Variants in STXBP5L observed in about 807,000 individuals in gnomAD.
The protein encoded by STXBP5L is syntaxin-binding protein 5-like.
In STXBP5L, 65 loss-of-function variants were observed where a neutral mutation model predicts 144.5. The observed-to-expected ratio is 0.45, with a 90% CI of 0.37 to 0.55. The LOEUF (loss-of-function observed/expected upper bound fraction) is 0.55, where lower values mean the gene tolerates loss of function less well. Ranked by LOEUF, STXBP5L falls within the 20% of genes least tolerant of loss-of-function variation. STXBP5L has a pLI of 0.00. For synonymous variants in STXBP5L, 505 were observed against 469.6 expected (o/e 1.08, Z -0.97); for missense variants, 1,298 against 1,405.5 (o/e 0.92, Z 1.22).
chr3:121,367,990 C>T (rs781665724), intron 20 of STXBP5L, among the ~76,000 whole-genome samples: 5 of 151,816 alleles, frequency 3.3e-5, no homozygotes, highest in Non-Finnish European at 7.4e-5. Flanking sequence ...ATTCATTGAG[C>T]TTCTTGGTTG....
intron 9 of STXBP5L, among the ~76,000 whole-genome samples, chr3:121,179,909 T>C (rs529576733): frequency 6.6e-6 from 1 of 152,176 alleles, no homozygotes; most frequent in East Asian, 1.9e-4. Context: ...TTTTAAAAGA[T>C]GAACCAAGTC....
intron 5 of STXBP5L, among the ~76,000 whole-genome samples, chr3:121,064,922 T>C (rs1388017850): frequency 6.6e-6 from 1 of 152,200 alleles, no homozygotes; most frequent in Admixed American, 6.5e-5. Flanking sequence ...AAGTTCATAG[T>C]GTCCATTCTT....
chr3:120,978,559 T>G (rs1411918920), intron 3 of STXBP5L, among the ~76,000 whole-genome samples: 1 of 152,256 alleles, frequency 6.6e-6, no homozygotes, highest in Non-Finnish European at 1.5e-5. Context: ...AAAGTCATTC[T>G]CCATCCAGGT....
intron 13 of STXBP5L, 24 bp downstream of exon 13, chr3:121,239,142 C>A: frequency 1.4e-6 from 2 of 1,391,610 alleles, no homozygotes; most frequent in African/African-American, 1.5e-5. Context: ...TTATAAATAA[C>A]TTTTTTTGTA....
intron 7 of STXBP5L, among the ~76,000 whole-genome samples, chr3:121,142,771 C>A (rs1429548603): frequency 6.6e-6 from 1 of 151,664 alleles, no homozygotes; most frequent in Non-Finnish European, 1.5e-5. Flanking sequence ...GAAGTTCTAG[C>A]AATAAATGCT....
At chr3:121,413,415 C>A (rs2047164020) in intron 24 of STXBP5L, 92 bp downstream of exon 24, 2 of 1,163,536 alleles carry the variant, frequency 1.7e-6, no homozygotes, top group Non-Finnish European at 1.2e-6. Flanking sequence ...TTAGGTCAGA[C>A]AATAATTATG....
intron 3 of STXBP5L, among the ~76,000 whole-genome samples, chr3:120,981,310 A>G (rs1406632807): frequency 5.3e-5 from 8 of 152,126 alleles, no homozygotes; most frequent in Admixed American, 3.9e-4. Flanking sequence ...TACTTTTTAC[A>G]TCTTCTTCTG....
intron 9 of STXBP5L, among the ~76,000 whole-genome samples, chr3:121,174,270 G>A (rs1028763659): frequency 6.6e-6 from 1 of 151,996 alleles, no homozygotes; most frequent in Non-Finnish European, 1.5e-5. Flanking sequence ...TAACTTCTAT[G>A]ATAGATTTGT....
At chr3:121,302,765 A>G (rs1431737970) in intron 19 of STXBP5L, among the ~76,000 whole-genome samples, 3 of 152,214 alleles carry the variant, frequency 2.0e-5, no homozygotes, top group Admixed American at 6.5e-5. Flanking sequence ...AACCTGACAA[A>G]AATAAGAAAT....
At chr3:121,029,260 C>A (rs767944619) in intron 3 of STXBP5L, among the ~76,000 whole-genome samples, 8 of 152,104 alleles carry the variant, frequency 5.3e-5, no homozygotes, top group Admixed American at 5.2e-4. Flanking sequence ...GGAGGCATCA[C>A]GCTATGTGAC....
At chr3:121,149,833 G>T (rs2045866663) in intron 7 of STXBP5L, among the ~76,000 whole-genome samples, 1 of 151,916 alleles carries the variant, frequency 6.6e-6, no homozygotes, top group Admixed American at 6.6e-5. Context: ...CTTGAATAAG[G>T]TGGCTCATTA....
Position 121,421,725 on chromosome 3 carries a change from CAG to C in STXBP5L, c.*2632_*2633del, listed in dbSNP as rs2047356745. On this transcript the variant is annotated 3_prime_UTR_variant, in exon 27 of 27. Transcript: ENST00000471454. ...CAACTACAGAATATTTTAAGGCACACAGAGAAAATATCAAAAAGGACATTATA... is the reference window on the plus strand; with the variant it reads ...CAACTACAGAATATTTTAAGGCACACAGAAAATATCAAAAAGGACATTATA... The C allele has an allele frequency of 6.6e-6, 1 of 152,068 alleles. No individual in the cohort carries two copies. Among genetic ancestry groups the C allele is most frequent in the Non-Finnish European group, 1.5e-5 (1 of 67,998 alleles). The allele number at this position is 152,068 out of a possible 1,614,324, so 9.4% of individuals were successfully genotyped here.
At chr3:121,250,540 A>G (rs1165706750) in intron 14 of STXBP5L, among the ~76,000 whole-genome samples, 183 bp from the exon 15 acceptor site, 1 of 152,056 alleles carries the variant, frequency 6.6e-6, no homozygotes, top group African/African-American at 2.4e-5. Context: ...AGATTTTAGT[A>G]TATTGTTTAA....
intron 20 of STXBP5L, among the ~76,000 whole-genome samples, chr3:121,370,258 C>T (rs1018652272): frequency 1.3e-5 from 2 of 152,118 alleles, no homozygotes; most frequent in Non-Finnish European, 2.9e-5. Flanking sequence ...ATCCCAGCTA[C>T]TTGGGAGGCT....
At chr3:121,348,633 A>G (rs4524223) in intron 20 of STXBP5L, among the ~76,000 whole-genome samples, 116,120 of 151,820 alleles carry the variant, frequency 0.76, 44,566 homozygotes, top group East Asian at 0.93. Flanking sequence ...CTCAATTTCA[A>G]AGCCTGTTAT....
At chr3:121,414,059 A>ATTCATATAAG (rs2047180498) in intron 24 of STXBP5L, among the ~76,000 whole-genome samples, 1 of 151,938 alleles carries the variant, frequency 6.6e-6, no homozygotes, top group African/African-American at 2.4e-5. Context: ...ATTCATATAA[A>ATTCATATAAG]AGACTGAGCT....
chr3:121,073,859 C>G (rs1482619086), intron 5 of STXBP5L, among the ~76,000 whole-genome samples: 2 of 152,232 alleles, frequency 1.3e-5, no homozygotes, highest in Non-Finnish European at 2.9e-5. Context: ...CACATGTTCT[C>G]TTTTCACTCA....
intron 18 of STXBP5L, among the ~76,000 whole-genome samples, chr3:121,264,642 T>C (rs1217154014): frequency 6.6e-6 from 1 of 152,086 alleles, no homozygotes; most frequent in Non-Finnish European, 1.5e-5. Flanking sequence ...ACCTTAAATG[T>C]AAATGGGCTA....
In STXBP5L at chr3:120,923,344, T is replaced by G. The variant is rs191519334; in HGVS notation, c.189+13577T>G. ...TTTTTATTCTCAACTTTATTATTTCTTCTCTGATCTTTATTATTTCTTTTT... is the reference window on the plus strand; with the variant it reads ...TTTTTATTCTCAACTTTATTATTTCGTCTCTGATCTTTATTATTTCTTTTT... On this transcript the variant is annotated intron_variant, in intron 2 of 26. Coordinates refer to ENST00000471454, the MANE Select transcript of STXBP5L (RefSeq NM_001308330.2). Among the ~76,000 whole-genome samples the G allele has an allele frequency of 2.6e-4, 39 of 152,084 alleles. No homozygotes were observed. The East Asian group carries it at 6.8e-3, about 26-fold the overall frequency.
Sources: allele counts gnomAD v4.1 joint callset (sites outside exome capture counted in the v4.1 genomes callset), GRCh38; gene constraint gnomAD v4.1.1; transcripts MANE v1.5; gene names NCBI Gene and HGNC (gene_info 2026-07-23, HGNC 2026-07-21).